Variants in HSD11B1 observed in about 807,000 individuals in gnomAD.
HSD11B1 encodes the protein 11-beta-hydroxysteroid dehydrogenase 1.
HSD11B1 carries 15 observed loss-of-function variants against 22.1 expected under a neutral mutation model. The observed-to-expected ratio is 0.68, with a 90% confidence interval of 0.45 to 1.04. The LOEUF is 1.04. Ranked by LOEUF, HSD11B1 falls within the 50% of genes least tolerant of loss-of-function variation. The pLI, the probability that HSD11B1 is intolerant of heterozygous loss-of-function variation, is 0.00. For missense variants in HSD11B1, 281 were observed against 357.6 expected, an observed-to-expected ratio of 0.79 and a Z score of 1.73; for synonymous variants, 122 against 125.2, an observed-to-expected ratio of 0.97 and a Z score of 0.17.
chr1:209,712,026 T>C (rs968033), intron 4 of HSD11B1, among the ~76,000 whole-genome samples: 6,141 of 152,322 alleles, frequency 0.04, 253 homozygotes, highest in East Asian at 0.2. Flanking sequence ...ACAGGTTTCA[T>C]TCAAGTGCAC....
At chr1:209,719,848 G>A (rs1571881478) in intron 4 of HSD11B1, among the ~76,000 whole-genome samples, 1 of 152,120 alleles carries the variant, frequency 6.6e-6, no homozygotes, top group South Asian at 2.1e-4. Context: ...TGTGAATAGT[G>A]CCACAATAAA....
intron 4 of HSD11B1, among the ~76,000 whole-genome samples, chr1:209,712,894 CA>C (rs1571876976): frequency 6.6e-6 from 1 of 152,060 alleles, no homozygotes; most frequent in South Asian, 2.1e-4. Context: ...ACCAAAAATA[CA>C]AAAATTAGCC....
chr1:209,701,187 A>T (rs1469905344), upstream of HSD11B1, among the ~76,000 whole-genome samples: 1 of 152,216 alleles, frequency 6.6e-6, no homozygotes, highest in African/African-American at 2.4e-5. Flanking sequence ...CTGCTGATAA[A>T]GACATACCCG....
intron 4 of HSD11B1, among the ~76,000 whole-genome samples, chr1:209,715,867 G>A (rs73089439): frequency 4.6e-5 from 7 of 152,148 alleles, no homozygotes; most frequent in African/African-American, 1.7e-4. Flanking sequence ...CAAGGAAGAC[G>A]GTATTTACAT....
chr1:209,727,853 T>A (rs2077013181), intron 4 of HSD11B1, among the ~76,000 whole-genome samples: 1 of 152,256 alleles, frequency 6.6e-6, no homozygotes, highest in Non-Finnish European at 1.5e-5. Context: ...TCCCTCTCCA[T>A]GGCTGAAATG....
At chr1:209,728,235 CT>C (rs1354178199) in intron 4 of HSD11B1, among the ~76,000 whole-genome samples, 2 of 152,174 alleles carry the variant, frequency 1.3e-5, no homozygotes, top group Non-Finnish European at 2.9e-5. Flanking sequence ...TCCACATATA[CT>C]CTGTGATCTA....
At chr1:209,723,758 G>C (rs2076982805) in intron 4 of HSD11B1, among the ~76,000 whole-genome samples, 1 of 152,206 alleles carries the variant, frequency 6.6e-6, no homozygotes, top group South Asian at 2.1e-4. Context: ...TAAAGGAAAA[G>C]GGACAATGCA....
chr1:209,732,832 A>G (rs1210226157), intron 5 of HSD11B1, among the ~76,000 whole-genome samples: 1 of 146,876 alleles, frequency 6.8e-6, no homozygotes, highest in Admixed American at 7.0e-5. Context: ...CCTATGAGTG[A>G]GAACATGCGA....
intron 1 of HSD11B1, among the ~76,000 whole-genome samples, chr1:209,691,310 G>T (rs181454225): frequency 9.2e-5 from 14 of 152,322 alleles, no homozygotes; most frequent in Admixed American, 9.1e-4. Context: ...GGGTCAGATG[G>T]ATTAATGCCC....
intron 4 of HSD11B1, among the ~76,000 whole-genome samples, chr1:209,720,236 T>A (rs2076956954): frequency 6.6e-6 from 1 of 152,152 alleles, no homozygotes; most frequent in Admixed American, 6.5e-5. Context: ...TTTATTAACA[T>A]CACCAGTAAT....
At chr1:209,707,899 G>C (rs371762709) in intron 4 of HSD11B1, among the ~76,000 whole-genome samples, 1 of 150,814 alleles carries the variant, frequency 6.6e-6, no homozygotes, top group East Asian at 2.0e-4. Context: ...AGTGGGCTAA[G>C]CTAAAGCTAA....
chr1:209,732,677 C>T (rs1429752450), intron 5 of HSD11B1, 98 bp downstream of exon 5: 4 of 1,013,918 alleles, frequency 3.9e-6, no homozygotes, highest in South Asian at 2.6e-5. Context: ...TATGCATGTG[C>T]CATGTTGGTG....
chr1:209,722,814 C>T (rs2076974702), intron 4 of HSD11B1, among the ~76,000 whole-genome samples: 1 of 152,330 alleles, frequency 6.6e-6, no homozygotes, highest in South Asian at 2.1e-4. Context: ...TGAAGTTTTT[C>T]AATCCTTGTG....
rs1052503973 is a variant in HSD11B1 at position 209,734,752 on chromosome 1, T to C, written c.*231T>C. On this transcript the variant is annotated 3_prime_UTR_variant, in exon 6 of 6. Coordinates refer to ENST00000367027, the MANE Select transcript of HSD11B1 (RefSeq NM_005525.4). Reference sequence around the variant, plus strand: ...GCAGTTGTAAAATTGTTAGTAAACATAGGTATAATTACCAGATAGTTATAT... The same window carrying C: ...GCAGTTGTAAAATTGTTAGTAAACACAGGTATAATTACCAGATAGTTATAT... The C allele has an allele frequency of 4.3e-5, 18 of 419,834 alleles. No homozygotes were observed. The highest frequency in any genetic ancestry group is 3.6e-4 in the African/African-American group (18 of 50,286). The allele number at this position is 419,834 out of a possible 1,614,324, so 26.0% of individuals were successfully genotyped here. A position where few individuals can be genotyped will look rare whatever the true frequency, so the allele number is the denominator to read the frequency against.
chr1:209,697,883 C>CTTTTTTTTTTTTTTTTTTT (rs1558187212), intron 1 of HSD11B1, among the ~76,000 whole-genome samples: 2 of 21,914 alleles, frequency 9.1e-5, no homozygotes, highest in African/African-American at 1.7e-4. Context: ...TTTGTTTTTT[C>CTTTTTTTTTTTTTTTTTTT]CTTTTTTTTT....
chr1:209,704,259 T>C (rs2076842445), upstream of HSD11B1, among the ~76,000 whole-genome samples: 1 of 152,178 alleles, frequency 6.6e-6, no homozygotes, highest in African/African-American at 2.4e-5. Context: ...TGAACCAGTC[T>C]TGGATTTCCC....
At chr1:209,692,607 C>CGGGGGTGGGGG (rs796707879) in intron 1 of HSD11B1, among the ~76,000 whole-genome samples, 1 of 48,250 alleles carries the variant, frequency 2.1e-5, no homozygotes, top group African/African-American at 1.1e-4. Flanking sequence ...ATTAAAATGG[C>CGGGGGTGGGGG]GGGGGGGGGG....
chr1:209,700,353 G>A (rs766306286), upstream of HSD11B1, among the ~76,000 whole-genome samples: 2 of 152,208 alleles, frequency 1.3e-5, no homozygotes, highest in Admixed American at 6.5e-5. Flanking sequence ...TCAACACCAC[G>A]CGGAAGCTTC....
At chr1:209,733,541 A>T (rs2077048372) in intron 5 of HSD11B1, among the ~76,000 whole-genome samples, 1 of 152,218 alleles carries the variant, frequency 6.6e-6, no homozygotes, top group African/African-American at 2.4e-5. Context: ...TTCTATTATT[A>T]TACCTGTCCT....
Sources: allele counts gnomAD v4.1 joint callset (sites outside exome capture counted in the v4.1 genomes callset), GRCh38; gene constraint gnomAD v4.1.1; transcripts MANE v1.5; gene names NCBI Gene and HGNC (gene_info 2026-07-23, HGNC 2026-07-21).